The following SLCO6A1 variants were observed in gnomAD, a reference collection of about 807,000 sequenced individuals.
The protein encoded by SLCO6A1 is cancer/testis antigen 48.
SLCO6A1 carries 65 observed loss-of-function variants against 72.7 expected under a neutral mutation model. That is an observed-to-expected ratio of 0.89 (90% CI 0.73 to 1.10). SLCO6A1 has a LOEUF of 1.10. SLCO6A1 is among the 50% of genes least tolerant of loss of function. The pLI, the probability that SLCO6A1 is intolerant of heterozygous loss-of-function variation, is 0.00. For missense variants in SLCO6A1, 874 were observed against 872.6 expected, an observed-to-expected ratio of 1.00 and a Z score of -0.02; for synonymous variants, 314 against 298.2, an observed-to-expected ratio of 1.05 and a Z score of -0.55.
At chr5:102,472,014 G>T (rs1751652775) in intron 4 of SLCO6A1, among the ~76,000 whole-genome samples, 1 of 152,006 alleles carries the variant, frequency 6.6e-6, no homozygotes, top group Admixed American at 6.6e-5. Context: ...AGAACCGAAA[G>T]AATAAATGCC....
At chr5:102,476,646 C>T (rs942226414) in intron 3 of SLCO6A1, among the ~76,000 whole-genome samples, 1 of 151,946 alleles carries the variant, frequency 6.6e-6, no homozygotes, top group African/African-American at 2.4e-5. Context: ...TAGAGAAACT[C>T]AGTATATAAT....
chr5:102,460,062 T>G (rs927962827), intron 4 of SLCO6A1, among the ~76,000 whole-genome samples: 2 of 142,936 alleles, frequency 1.4e-5, no homozygotes, highest in East Asian at 3.9e-4. Context: ...TGTTTCTTCC[T>G]ATTTAACTTT....
intron 2 of SLCO6A1, 33 bp from the exon 3 acceptor site, chr5:102,477,894 A>G (rs1751993381): frequency 6.5e-7 from 1 of 1,548,146 alleles, no homozygotes; most frequent in African/African-American, 1.4e-5. Flanking sequence ...ATTTTTGTTA[A>G]TTGAACTCAA....
chr5:102,446,741 G>A (rs1172891067), intron 6 of SLCO6A1, among the ~76,000 whole-genome samples: 1 of 143,334 alleles, frequency 7.0e-6, no homozygotes, highest in African/African-American at 2.6e-5. Context: ...TCGATGCCTA[G>A]TTTGTTGAAA....
At chr5:102,449,350 T>G (rs1333552391) in intron 6 of SLCO6A1, among the ~76,000 whole-genome samples, 4 of 151,898 alleles carry the variant, frequency 2.6e-5, no homozygotes, top group African/African-American at 7.3e-5. Context: ...TTGGGGATAG[T>G]CATCTTGTAT....
At chr5:102,375,298 T>C (rs1049966040) in intron 12 of SLCO6A1, among the ~76,000 whole-genome samples, 1 of 152,102 alleles carries the variant, frequency 6.6e-6, no homozygotes, top group Non-Finnish European at 1.5e-5. Context: ...AAAGTTCTAG[T>C]CACTTACCCC....
chr5:102,417,000 C>G (rs1485884042), intron 8 of SLCO6A1, among the ~76,000 whole-genome samples: 5 of 152,114 alleles, frequency 3.3e-5, no homozygotes, highest in African/African-American at 1.2e-4. Context: ...GTCTTCATTT[C>G]TCCTTGCAGT....
chr5:102,407,008 T>G (rs1747708567), intron 9 of SLCO6A1, among the ~76,000 whole-genome samples: 1 of 152,176 alleles, frequency 6.6e-6, no homozygotes, highest in African/African-American at 2.4e-5. Context: ...AGTCCCTCTA[T>G]TGTGTATATC....
At chr5:102,470,233 G>C (rs1751534973) in intron 4 of SLCO6A1, among the ~76,000 whole-genome samples, 1 of 152,126 alleles carries the variant, frequency 6.6e-6, no homozygotes, top group African/African-American at 2.4e-5. Flanking sequence ...CAGAAGGAAT[G>C]GTACCAGCTC....
chr5:102,489,607 G>A (rs934037877), intron 1 of SLCO6A1, among the ~76,000 whole-genome samples: 7 of 152,042 alleles, frequency 4.6e-5, no homozygotes, highest in African/African-American at 1.7e-4. Context: ...ATATGTATTA[G>A]CAAGGATGTA....
intron 4 of SLCO6A1, among the ~76,000 whole-genome samples, chr5:102,474,768 A>T (rs1182943921): frequency 6.6e-6 from 1 of 152,048 alleles, no homozygotes; most frequent in East Asian, 1.9e-4. Context: ...ACTTGGATTG[A>T]TAAAAGAAGG....
chr5:102,379,773 CAAAAA>C (rs10672287), intron 12 of SLCO6A1, among the ~76,000 whole-genome samples: 1 of 141,000 alleles, frequency 7.1e-6, no homozygotes, highest in African/African-American at 2.6e-5. Context: ...TTGTCAATTT[CAAAAA>C]AAAAAAAAAA....
chr5:102,476,469 A>T (rs192014608), intron 3 of SLCO6A1, among the ~76,000 whole-genome samples: 2 of 152,268 alleles, frequency 1.3e-5, no homozygotes, highest in African/African-American at 4.8e-5. Flanking sequence ...CATCCACATT[A>T]TGAAATCAGT....
chr5:102,436,719 A>C (rs745884440), intron 7 of SLCO6A1, among the ~76,000 whole-genome samples: 1 of 152,170 alleles, frequency 6.6e-6, no homozygotes, highest in Non-Finnish European at 1.5e-5. Context: ...CCATTCAGAA[A>C]CACCTGCTGT....
chr5:102,408,323 G>T (rs879382875), intron 9 of SLCO6A1, among the ~76,000 whole-genome samples: 7 of 151,634 alleles, frequency 4.6e-5, no homozygotes, highest in Non-Finnish European at 5.9e-5. Flanking sequence ...AATTATGGAT[G>T]CAGGGGCTAC....
chr5:102,493,416 G>A (rs1485028723), intron 1 of SLCO6A1, among the ~76,000 whole-genome samples: 1 of 151,982 alleles, frequency 6.6e-6, no homozygotes, highest in Non-Finnish European at 1.5e-5. Flanking sequence ...CTCAATAGAG[G>A]CAGGAAAAAG....
At chr5:102,460,792 T>C (rs558888145) in intron 4 of SLCO6A1, among the ~76,000 whole-genome samples, 192 of 151,800 alleles carry the variant, frequency 1.3e-3, no homozygotes, top group African/African-American at 4.4e-3. Context: ...ATGTACACTG[T>C]CTTATTCACT....
chr5:102,371,909 TA>T lies in SLCO6A1; in HGVS notation c.*229del, dbSNP rs1750645208. Reference sequence around the variant, plus strand: ...AAACTTTAATTCTCCCAGTAAATCCTAAAAATTCTACATACATTAAAAACAT... The same window carrying T: ...AAACTTTAATTCTCCCAGTAAATCCTAAAATTCTACATACATTAAAAACAT... On this transcript the variant is annotated 3_prime_UTR_variant, in exon 14 of 14. Transcript: ENST00000506729. 1 of 152,056 alleles carries T rather than the reference TA, an allele frequency of 6.6e-6. No individual in the cohort carries two copies. The highest frequency in any genetic ancestry group is 2.4e-5 in the African/African-American group (1 of 41,456). 9.4% of individuals were successfully genotyped at this position (152,056 alleles called of 1,614,324 possible). A position where few individuals can be genotyped will look rare whatever the true frequency, so the allele number is the denominator to read the frequency against.
At chr5:102,496,683 CT>C (rs1752924434) in intron 1 of SLCO6A1, among the ~76,000 whole-genome samples, 2 of 152,244 alleles carry the variant, frequency 1.3e-5, no homozygotes, top group Admixed American at 6.5e-5. Context: ...CTTTTCCTTT[CT>C]TTTAAAATTC....
Sources: allele counts gnomAD v4.1 joint callset (sites outside exome capture counted in the v4.1 genomes callset), GRCh38; gene constraint gnomAD v4.1.1; transcripts MANE v1.5; gene names NCBI Gene and HGNC (gene_info 2026-07-23, HGNC 2026-07-21).